TOX2: variants seen among roughly 807,000 people sequenced by gnomAD.
TOX2 encodes the protein TOX high mobility group box family member 2, also known as granulosa cell HMG box 1.
A neutral mutation model predicts 47.4 loss-of-function variants in TOX2; 15 were observed. That is an observed-to-expected ratio of 0.32 (90% CI 0.21 to 0.49). The LOEUF (loss-of-function observed/expected upper bound fraction) is 0.49. Ranked by LOEUF, TOX2 falls within the 20% of genes least tolerant of loss-of-function variation. TOX2 has a pLI of 0.99. For missense variants in TOX2, 622 were observed against 673.1 expected (o/e 0.92, Z 0.84); for synonymous variants, 290 against 296.6 (o/e 0.98, Z 0.23).
Position 43,916,314 on chromosome 20 carries a change from GTCCCGGCGCGGATCCCGGGGCC to G in TOX2, c.99+1331_99+1352del. Reference sequence around the variant, plus strand: ...AGTGGGGATGAGGCAGGAGAGAGGCGTCCCGGCGCGGATCCCGGGGCCTCCCGGGCTGGGCCTCCCTGAGTGC... The same window carrying G: ...AGTGGGGATGAGGCAGGAGAGAGGCGTCCCGGGCTGGGCCTCCCTGAGTGC... On this transcript the variant is annotated intron_variant, in intron 1 of 8. Transcript: ENST00000341197. The surrounding 1 kb of genome is among the most constrained non-coding windows in gnomAD (Gnocchi z 5.0). The G allele has an allele frequency of 1.1e-6, 1 of 869,838 alleles. No individual in the cohort carries two copies. The highest frequency in any genetic ancestry group is 1.4e-6 in the Non-Finnish European group (1 of 724,346). 53.9% of individuals were successfully genotyped at this position (869,838 alleles called of 1,614,324 possible).
chr20:44,063,756 A>G (rs1299294057), intron 5 of TOX2, among the ~76,000 whole-genome samples: 1 of 137,464 alleles, frequency 7.3e-6, no homozygotes. Flanking sequence ...ACACATATAT[A>G]TGTACACACA....
At chr20:43,938,494 G>C (rs2145340837) in intron 1 of TOX2, among the ~76,000 whole-genome samples, 1 of 152,296 alleles carries the variant, frequency 6.6e-6, no homozygotes, top group Admixed American at 6.5e-5. Flanking sequence ...TGTCCTGATG[G>C]GTGCACTAGG....
intron 5 of TOX2, among the ~76,000 whole-genome samples, chr20:44,058,123 T>C (rs760029289): frequency 6.6e-6 from 1 of 152,178 alleles, no homozygotes; most frequent in Non-Finnish European, 1.5e-5. Context: ...CCACAGACAC[T>C]TTGAAGGATG....
At chr20:43,927,756 CTTCCCTCCCTCCCTCCCTCT>C (rs1345027908) in intron 1 of TOX2, among the ~76,000 whole-genome samples, 16 of 148,132 alleles carry the variant, frequency 1.1e-4, no homozygotes, top group East Asian at 2.0e-4. Context: ...TCCCTCCTTC[CTTCCCTCCCTCCCTCCCTCT>C]TTCCCTCCCT....
At chr20:43,956,901 T>G (rs1451915523) in intron 1 of TOX2, among the ~76,000 whole-genome samples, 1 of 152,224 alleles carries the variant, frequency 6.6e-6, no homozygotes, top group Non-Finnish European at 1.5e-5. Flanking sequence ...TTGAATCCCA[T>G]GTCTTTTTGT....
At chr20:44,054,799 GA>G (rs2071589413) in intron 5 of TOX2, among the ~76,000 whole-genome samples, 2 of 152,148 alleles carry the variant, frequency 1.3e-5, no homozygotes, top group Non-Finnish European at 1.5e-5. Context: ...GATAAAATGA[GA>G]ACAAGCATCT....
chr20:44,048,664 G>T (rs1406616879), intron 3 of TOX2, among the ~76,000 whole-genome samples: 5 of 151,130 alleles, frequency 3.3e-5, no homozygotes, highest in Non-Finnish European at 7.4e-5. Flanking sequence ...AAAACTAAGA[G>T]ATTTGTAATA....
At chr20:43,960,294 T>G (rs2069736416) in intron 1 of TOX2, among the ~76,000 whole-genome samples, 1 of 152,208 alleles carries the variant, frequency 6.6e-6, no homozygotes, top group South Asian at 2.1e-4. Context: ...TGTTGGCTGC[T>G]GCCCCTATCA....
Position 44,069,081 on chromosome 20 carries a change from C to G in TOX2, c.*395C>G, listed in dbSNP as rs577702265. On this transcript the variant is annotated 3_prime_UTR_variant, in exon 9 of 9. Coordinates refer to ENST00000341197, the MANE Select transcript of TOX2 (RefSeq NM_001098797.2). ...CAGATGCATGGGCCAGAGGGCCGGC[C>G]CCCGGCATAGATGTGCACATCGGTT... The G allele has an allele frequency of 1.6e-4, 63 of 384,406 alleles. No homozygotes were observed. In the East Asian group the frequency reaches 3.8e-3, roughly 23 times the overall value. The allele number at this position is 384,406 out of a possible 1,614,324, so 23.8% of individuals were successfully genotyped here.
chr20:43,959,146 A>T (rs1600683672), intron 1 of TOX2, among the ~76,000 whole-genome samples: 1 of 152,270 alleles, frequency 6.6e-6, no homozygotes, highest in East Asian at 1.9e-4. Context: ...TTCTCTGCAT[A>T]CTGCTAGGTA....
intron 3 of TOX2, among the ~76,000 whole-genome samples, chr20:44,029,767 G>A (rs911510095): frequency 6.6e-6 from 1 of 152,118 alleles, no homozygotes; most frequent in African/African-American, 2.4e-5. Flanking sequence ...CGTGGTCCCA[G>A]CAGAGCTTCC....
intron 2 of TOX2, among the ~76,000 whole-genome samples, chr20:43,988,191 TA>T (rs1372770506): frequency 2.6e-5 from 4 of 152,180 alleles, no homozygotes; most frequent in Non-Finnish European, 4.4e-5. Context: ...GTGCTGGGAT[TA>T]CAGGCGTGAG....
chr20:44,026,782 CTG>C (rs1023812558), intron 3 of TOX2, among the ~76,000 whole-genome samples: 1 of 152,150 alleles, frequency 6.6e-6, no homozygotes, highest in African/African-American at 2.4e-5. Flanking sequence ...CTCAGGTCCA[CTG>C]TGTGACCTCA....
chr20:44,009,561 G>C (rs2070745906), intron 3 of TOX2, among the ~76,000 whole-genome samples: 1 of 152,206 alleles, frequency 6.6e-6, no homozygotes, highest in African/African-American at 2.4e-5. Flanking sequence ...ATTTATGCCT[G>C]AGGTTGCAAT....
chr20:44,067,731 C>G (rs988691675), intron 8 of TOX2, among the ~76,000 whole-genome samples: 1 of 152,148 alleles, frequency 6.6e-6, no homozygotes, highest in Non-Finnish European at 1.5e-5. Context: ...GAAGAGTGAC[C>G]TTTCAACAAC....
intron 2 of TOX2, among the ~76,000 whole-genome samples, chr20:43,987,231 G>A (rs376054204): frequency 6.6e-6 from 1 of 152,324 alleles, no homozygotes; most frequent in South Asian, 2.1e-4. Flanking sequence ...AAGCAGATGA[G>A]TCTCACAAAC....
chr20:44,064,703 C>T, intron 5 of TOX2, 74 bp from the exon 6 acceptor site: 1 of 1,422,880 alleles, frequency 7.0e-7, no homozygotes, highest in Non-Finnish European at 9.8e-7. Context: ...TCCATGCCTT[C>T]CCACCCCAGG....
intron 1 of TOX2, among the ~76,000 whole-genome samples, chr20:43,966,868 G>A (rs954739069): frequency 3.3e-5 from 5 of 152,154 alleles, no homozygotes; most frequent in Non-Finnish European, 7.3e-5. Context: ...GTGATGTGGA[G>A]TCTCTGCAGG....
At chr20:44,037,671 A>G (rs1232240222) in intron 3 of TOX2, among the ~76,000 whole-genome samples, 1 of 152,138 alleles carries the variant, frequency 6.6e-6, no homozygotes, top group Non-Finnish European at 1.5e-5. Flanking sequence ...ACTCACTGAA[A>G]TACTAGATAT....
Sources: allele counts gnomAD v4.1 joint callset (sites outside exome capture counted in the v4.1 genomes callset), GRCh38; gene constraint gnomAD v4.1.1; non-coding constraint Gnocchi (gnomAD v3.1); transcripts MANE v1.5; gene names NCBI Gene and HGNC (gene_info 2026-07-23, HGNC 2026-07-21).